Variants in SLC25A48 observed in about 807,000 individuals in gnomAD.
SLC25A48 encodes the protein solute carrier family 25 member 48, also known as CTC-321K16.1.
A neutral mutation model predicts 32.2 loss-of-function variants in SLC25A48; 29 were observed. The ratio of observed to expected loss-of-function variants is 0.90; its 90% CI spans 0.67 to 1.23. The LOEUF (loss-of-function observed/expected upper bound fraction) is 1.23. Ranked by LOEUF, SLC25A48 falls within the 50% of genes most tolerant of loss-of-function variation. The probability of loss-of-function intolerance (pLI) is 0.00; values close to 1 mark genes in which losing one functional copy is unlikely to be tolerated. For missense variants in SLC25A48, 399 were observed against 422.7 expected, an observed-to-expected ratio of 0.94 and a Z score of 0.49; for synonymous variants, 164 against 172.3, an observed-to-expected ratio of 0.95 and a Z score of 0.38.
intron 3 of SLC25A48, among the ~76,000 whole-genome samples, chr5:135,663,314 T>A (rs1753447980): frequency 6.6e-6 from 1 of 152,212 alleles, no homozygotes; most frequent in African/African-American, 2.4e-5. Context: ...TTGGCATGAT[T>A]GACATGTTGA....
intron 3 of SLC25A48, among the ~76,000 whole-genome samples, chr5:135,749,697 T>C (rs1245592983): frequency 6.6e-6 from 1 of 152,140 alleles, no homozygotes; most frequent in Non-Finnish European, 1.5e-5. Flanking sequence ...GTTCAAGCGA[T>C]TCTCCTGTCT....
intron 7 of SLC25A48, among the ~76,000 whole-genome samples, chr5:135,886,634 T>TAAAA (rs1554088454): frequency 3.4e-5 from 1 of 29,166 alleles, no homozygotes; most frequent in Non-Finnish European, 5.7e-5. Context: ...TATATATATA[T>TAAAA]ATAAAATATA....
chr5:135,865,337 G>A (rs1042041329), intron 4 of SLC25A48, among the ~76,000 whole-genome samples: 3 of 152,170 alleles, frequency 2.0e-5, no homozygotes, highest in Non-Finnish European at 4.4e-5. Flanking sequence ...TAATATCCTG[G>A]GAAGTGATCT....
At chr5:135,654,321 C>T (rs1753192497) in intron 3 of SLC25A48, among the ~76,000 whole-genome samples, 1 of 152,118 alleles carries the variant, frequency 6.6e-6, no homozygotes, top group African/African-American at 2.4e-5. Context: ...GCTAAGGGCT[C>T]AGGAGTCGAT....
At chr5:135,852,918 G>C (rs1760017314) in intron 4 of SLC25A48, 97 bp downstream of exon 4, 4 of 1,454,738 alleles carry the variant, frequency 2.7e-6, no homozygotes, top group Non-Finnish European at 3.7e-6. Context: ...CTTTTATTGA[G>C]CAAGGCATCT....
intron 1 of SLC25A48, 94 bp downstream of exon 1, chr5:135,834,987 C>A: frequency 2.1e-6 from 3 of 1,413,262 alleles, no homozygotes; most frequent in Non-Finnish European, 2.9e-6. Context: ...TGTGCGCTGC[C>A]ATCCCGCTCC....
chr5:135,723,123 G>A (rs17168981), intron 3 of SLC25A48, among the ~76,000 whole-genome samples: 40,966 of 152,090 alleles, frequency 0.27, 5,741 homozygotes, highest in East Asian at 0.46. Context: ...AAAGCTTCCT[G>A]ACACAAGAGG....
chr5:135,766,653 G>T (rs920063379), intron 3 of SLC25A48, among the ~76,000 whole-genome samples: 1 of 138,768 alleles, frequency 7.2e-6, no homozygotes, highest in Admixed American at 7.2e-5. Context: ...TGGGGGAGAG[G>T]GTGATATTAC....
At chr5:135,650,663 G>A (rs1187340419) in intron 3 of SLC25A48, 8 of 322,114 alleles carry the variant, frequency 2.5e-5, no homozygotes, top group Non-Finnish European at 3.0e-5. Context: ...ATGAGAGAAG[G>A]TGCTCATTTC....
chr5:135,663,581 A>C lies in SLC25A48; in HGVS notation c.-521+28625A>C, dbSNP rs746025824. ...TCCCTGATTTGTAATATAGTGATAC[A>C]TTTAAAAAGCAAATTACAGAAAAGT... is the stretch of plus-strand genomic sequence containing the variant. On this transcript the variant is annotated intron_variant, in intron 3 of 10. Transcript: ENST00000646290. 6.4e-4 allele frequency among the ~76,000 whole-genome samples: 98 copies of C among 152,246 alleles called. 3 individuals are homozygous for C. Among genetic ancestry groups the C allele is most frequent in the Non-Finnish European group, 5.9e-5 (4 of 68,046 alleles).
At chr5:135,656,272 C>T (rs539875162) in intron 3 of SLC25A48, among the ~76,000 whole-genome samples, 3 of 152,086 alleles carry the variant, frequency 2.0e-5, no homozygotes, top group East Asian at 3.9e-4. Context: ...GGCCAGCACA[C>T]GGGAAGGTGT....
chr5:135,793,057 G>T (rs1217765452), intron 3 of SLC25A48, among the ~76,000 whole-genome samples: 17 of 151,260 alleles, frequency 1.1e-4, no homozygotes, highest in African/African-American at 4.1e-4. Flanking sequence ...GGTACACCCT[G>T]GGATATTATT....
rs560575912 is a variant in SLC25A48 at position 135,712,614 on chromosome 5, GGTTATTCCCTC to G, written c.-521+77659_-521+77669del. On this transcript the variant is annotated intron_variant, in intron 3 of 10. Transcript: ENST00000646290. ...ATGAGGATACTTCTGGCTTATGCCTGGTTATTCCCTCAACCCAAACAGTTTCAACTGAGGCT... is the reference window on the plus strand; with the variant it reads ...ATGAGGATACTTCTGGCTTATGCCTGAACCCAAACAGTTTCAACTGAGGCT... 2.0e-3 allele frequency among the ~76,000 whole-genome samples: 307 copies of G among 152,290 alleles called. 4 individuals are homozygous for G. The highest frequency in any genetic ancestry group is 7.2e-3 in the African/African-American group (300 of 41,566).
At chr5:135,795,315 A>G (rs1757141193) in intron 3 of SLC25A48, among the ~76,000 whole-genome samples, 1 of 151,764 alleles carries the variant, frequency 6.6e-6, no homozygotes, top group Non-Finnish European at 1.5e-5. Context: ...TATTACTCTC[A>G]ATATCACAAA....
intron 3 of SLC25A48, among the ~76,000 whole-genome samples, chr5:135,780,205 G>T (rs1315097062): frequency 1.3e-5 from 1 of 75,564 alleles, no homozygotes; most frequent in Non-Finnish European, 2.9e-5. Context: ...TCCTGCCTCA[G>T]CCTCTCAAGT....
intron 1 of SLC25A48, among the ~76,000 whole-genome samples, chr5:135,627,590 G>GT (rs144232239): frequency 0.018 from 2,742 of 152,144 alleles, 80 homozygotes; most frequent in African/African-American, 0.063. Flanking sequence ...GTACTTCATG[G>GT]TTTTTTGACT....
At chr5:135,648,821 T>C (rs183949248) in intron 3 of SLC25A48, 23 of 152,414 alleles carry the variant, frequency 1.5e-4, no homozygotes, top group Non-Finnish European at 3.1e-4. Context: ...AGTCCCCTTC[T>C]TCTGGTGCCT....
chr5:135,705,403 G>A (rs1754484260), intron 3 of SLC25A48, among the ~76,000 whole-genome samples: 1 of 152,214 alleles, frequency 6.6e-6, no homozygotes, highest in South Asian at 2.1e-4. Flanking sequence ...CTATTAAAGT[G>A]GGGATAGTAA....
At chr5:135,661,484 T>C (rs375610909) in intron 3 of SLC25A48, among the ~76,000 whole-genome samples, 14 of 152,280 alleles carry the variant, frequency 9.2e-5, no homozygotes, top group African/African-American at 3.1e-4. Flanking sequence ...GTGAGCAAAC[T>C]GGGATTTTTC....
Sources: allele counts gnomAD v4.1 joint callset (sites outside exome capture counted in the v4.1 genomes callset), GRCh38; gene constraint gnomAD v4.1.1; transcripts MANE v1.5; gene names NCBI Gene and HGNC (gene_info 2026-07-23, HGNC 2026-07-21).